The following CALCOCO1 variants were observed in gnomAD, a reference collection of about 807,000 sequenced individuals.
The protein encoded by CALCOCO1 is calcium binding and coiled-coil domain 1.
In CALCOCO1, 44 loss-of-function variants were observed where a neutral mutation model predicts 86.3. The ratio of observed to expected loss-of-function variants is 0.51; its 90% CI spans 0.40 to 0.66. The LOEUF is 0.66. Ranked by LOEUF, CALCOCO1 falls within the 30% of genes least tolerant of loss-of-function variation. CALCOCO1 has a pLI of 0.00. For synonymous variants in CALCOCO1, 297 were observed against 327.6 expected (o/e 0.91, Z 1.01); for missense variants, 708 against 851.1 (o/e 0.83, Z 2.09).
intron 5 of CALCOCO1, 152 bp downstream of exon 5, chr12:53,721,873 A>T: frequency 1.1e-6 from 1 of 890,348 alleles, no homozygotes; most frequent in South Asian, 1.6e-5. Context: ...CATCAAGTTT[A>T]ATCCCAGCCA....
chr12:53,715,278 C>T lies in CALCOCO1; in HGVS notation c.1308G>A (p.Leu436=). 6.2e-7 allele frequency: 1 copy of T among 1,614,136 alleles called. No homozygotes were observed. ...TCCTCTCCTCCTGAACTGCCTTCTC[C>T]AATCGAAGTATCTCTGCACTCAGCT... The part of the protein sequence containing the change: ...ILKLSAEILR[L]EKAVQEERTQ... The change falls in exon 10 of 15, where the codon TTG becomes TTA. Residue 436 remains leucine (L), a synonymous_variant. Coordinates refer to ENST00000550804, the MANE Select transcript of CALCOCO1 (RefSeq NM_020898.3).
chr12:53,712,902 A>C (rs1337037951), intron 14 of CALCOCO1, 198 bp downstream of exon 14: 14 of 1,428,866 alleles, frequency 9.8e-6, no homozygotes, highest in Non-Finnish European at 1.2e-5. Context: ...TTGATAAGAT[A>C]GGGGTAGGGA....
At position 53,712,071 on chromosome 12, in the gene CALCOCO1, G is replaced by T; in HGVS notation, c.1949C>A (p.Thr650Asn). The T allele has an allele frequency of 6.2e-7, 1 of 1,611,506 alleles. No individual in the cohort carries two copies. The highest frequency in any genetic ancestry group is 8.5e-7 in the Non-Finnish European group (1 of 1,178,840). The change falls in exon 15 of 15, where the codon ACC (threonine) becomes AAC (asparagine). Residue 650 changes from threonine to asparagine, a missense_variant. Physicochemically the swap from Thr to Asn is moderately conservative, Grantham distance 65. Transcript: ENST00000550804. ...GATAGGACACTCCTTCCATGTGGGG[G>T]TGGCAGGGCCCCCAGTGCTGGTTTC... is the stretch of plus-strand genomic sequence containing the variant. ...LSETSTGGPA[T>N]PTWKECPICK... is the part of the protein sequence containing the mutation.
intron 2 of CALCOCO1, 30 bp from the exon 3 acceptor site, chr12:53,724,777 T>G: frequency 6.4e-7 from 1 of 1,554,936 alleles, no homozygotes; most frequent in Non-Finnish European, 8.8e-7. Context: ...GAGAAAGGTA[T>G]GGTCATGGAA....
At chr12:53,722,352 C>T (rs892002312) in intron 4 of CALCOCO1, among the ~76,000 whole-genome samples, 169 bp from the exon 5 acceptor site, 1 of 152,152 alleles carries the variant, frequency 6.6e-6, no homozygotes, top group African/African-American at 2.4e-5. Context: ...GTCCACCACC[C>T]AGTCAGATGC....
chr12:53,718,093 C>T (rs1385899543), intron 7 of CALCOCO1, among the ~76,000 whole-genome samples: 5 of 152,178 alleles, frequency 3.3e-5, no homozygotes, highest in Non-Finnish European at 7.4e-5. Context: ...CACCAATTGA[C>T]ATATGTTTCC....
chr12:53,722,957 AAAAAG>A (rs750088091), intron 4 of CALCOCO1: 54 of 389,626 alleles, frequency 1.4e-4, no homozygotes, highest in Middle Eastern at 7.5e-4. Flanking sequence ...AAAAAAAAAA[AAAAAG>A]AAAAGAAAAG....
rs1171579466 is a variant in CALCOCO1, at chr12:53,708,931, GA to G, written c.*3012del. On this transcript the variant is annotated 3_prime_UTR_variant, in exon 15 of 15. Coordinates refer to ENST00000550804, the MANE Select transcript of CALCOCO1 (RefSeq NM_020898.3). The stretch of plus-strand genomic sequence containing the variant: ...GTACAGGGTTCCTTAGGGTAGATGG[GA>G]AATGGAAGGGCAAGTTGGGACAGAT... 6.6e-6 allele frequency: 1 copy of G among 152,230 alleles called. No individual in the cohort carries two copies. The highest frequency in any genetic ancestry group is 1.5e-5 in the Non-Finnish European group (1 of 68,038). The allele number at this position is 152,230 out of a possible 1,614,324, so 9.4% of individuals were successfully genotyped here.
Position 53,719,788 on chromosome 12 carries a change from T to C in CALCOCO1, c.800A>G (p.Lys267Arg). Residue 267 changes from lysine to arginine, a missense_variant, in exon 7 of 15, where the codon AAG (lysine) becomes AGG (arginine). By Grantham distance (26) the Lys-to-Arg change is conservative. Coordinates refer to ENST00000550804, the MANE Select transcript of CALCOCO1 (RefSeq NM_020898.3). ...TACTTCTTTCAGTTGCCCAAGGAGC[T>C]TCTCTTGTTCCCGAGTCAGGGCCTT... ...TVKALTREQE[K>R]LLGQLKEVQA... 6.2e-7 allele frequency: 1 copy of C among 1,613,982 alleles called. No homozygotes were observed. The highest frequency in any genetic ancestry group is 8.5e-7 in the Non-Finnish European group (1 of 1,179,896).
chr12:53,712,138 G>A lies in CALCOCO1; in HGVS notation c.1899-17C>T. On this transcript the variant is annotated splice_polypyrimidine_tract_variant and intron_variant, in intron 14 of 14. Coordinates refer to ENST00000550804, the MANE Select transcript of CALCOCO1 (RefSeq NM_020898.3). ...GTAAAGCCACTAAGAGAGACAGAGG[G>A]GAAAGGGAGAGGGTCGGCGTGCTCT... 6.3e-7 allele frequency: 1 copy of A among 1,583,064 alleles called. No homozygotes were observed. Among genetic ancestry groups the A allele is most frequent in the Non-Finnish European group, 8.6e-7 (1 of 1,163,314 alleles).
chr12:53,712,067 G>A lies in CALCOCO1; in HGVS notation c.1953C>T (p.Pro651=), dbSNP rs750081095. ...TACAGATAGGACACTCCTTCCATGT[G>A]GGGGTGGCAGGGCCCCCAGTGCTGG... ...SETSTGGPAT[P]TWKECPICKE... is the part of the protein sequence containing the mutation. Residue 651 remains proline (P), a synonymous_variant, in exon 15 of 15, where the codon CCC becomes CCT. Transcript: ENST00000550804. The A allele has an allele frequency of 3.7e-6, 6 of 1,611,294 alleles. No individual in the cohort carries two copies. The highest frequency in any genetic ancestry group is 1.6e-4 in the Middle Eastern group (1 of 6,074).
chr12:53,716,201 C>T (rs1945721576), intron 8 of CALCOCO1, 59 bp downstream of exon 8: 1 of 1,603,208 alleles, frequency 6.2e-7, no homozygotes, highest in East Asian at 2.2e-5. Flanking sequence ...GACACGCAGG[C>T]TTCTCTACAA....
At chr12:53,719,667 TGTCTGGCTCTCG>T in intron 7 of CALCOCO1, 60 bp downstream of exon 7, 1 of 990,998 alleles carries the variant, frequency 1.0e-6, no homozygotes, top group Non-Finnish European at 1.6e-6. Flanking sequence ...TTCCCTTTGG[TGTCTGGCTCTCG>T]AGAGGGAATC....
At chr12:53,713,977 G>T in intron 12 of CALCOCO1, 77 bp from the exon 13 acceptor site, 2 of 1,372,324 alleles carry the variant, frequency 1.5e-6, no homozygotes, top group Non-Finnish European at 2.0e-6. Context: ...CTCTGGATGA[G>T]GGGTATCATT....
At position 53,711,997 on chromosome 12, in the gene CALCOCO1, G is replaced by A. The variant is rs1476962893; in HGVS notation, c.2023C>T (p.His675Tyr). The change falls in exon 15 of 15, where the codon CAC becomes TAC. Residue 675 changes from histidine (H) to tyrosine (Y), a missense_variant. His to Tyr is a moderately conservative substitution (Grantham distance 83). Coordinates refer to ENST00000550804, the MANE Select transcript of CALCOCO1 (RefSeq NM_020898.3). ...AESDKDALED[H>Y]MDGHFFFSTQ... ...CTGAAAAAGAAGTGTCCATCCATGT[G>A]GTCCTCCAGGGCATCCTTGTCACTC... 1 of 1,606,922 alleles carries A rather than the reference G, an allele frequency of 6.2e-7. No individual in the cohort carries two copies. Among genetic ancestry groups the A allele is most frequent in the Non-Finnish European group, 8.5e-7 (1 of 1,176,932 alleles).
In CALCOCO1 at chr12:53,711,883, T is replaced by C; in HGVS notation, c.*61A>G. On this transcript the variant is annotated 3_prime_UTR_variant, in exon 15 of 15. Coordinates refer to ENST00000550804, the MANE Select transcript of CALCOCO1 (RefSeq NM_020898.3). ...AAAATGGGCATGAAACCTAAGTGTA[T>C]GCATGTGTGTGAGTGTGTGTGTGCA... The C allele has an allele frequency of 7.2e-7, 1 of 1,395,996 alleles. No homozygotes were observed. Among genetic ancestry groups the C allele is most frequent in the South Asian group, 1.5e-5 (1 of 66,760 alleles). 86.5% of individuals were successfully genotyped at this position (1,395,996 alleles called of 1,614,324 possible).
At position 53,721,527 on chromosome 12, in the gene CALCOCO1, A is replaced by G; in HGVS notation, c.698T>C (p.Leu233Pro). ...QGDHVARILE[L>P]EDDIQTISEK... ...ACTGATGGTCTGGATGTCATCCTCT[A>G]GCTCCAGGATGCGTGCCACATGGTC... Residue 233 changes from leucine (L) to proline (P), a missense_variant, in exon 6 of 15, where the codon CTA becomes CCA. Physicochemically the swap from Leu to Pro is moderately conservative, Grantham distance 98. Transcript: ENST00000550804. 6.2e-7 allele frequency: 1 copy of G among 1,613,866 alleles called. No individual in the cohort carries two copies. The highest frequency in any genetic ancestry group is 8.5e-7 in the Non-Finnish European group (1 of 1,179,900).
At chr12:53,720,206 C>A (rs1945830949) in intron 6 of CALCOCO1, among the ~76,000 whole-genome samples, 1 of 151,896 alleles carries the variant, frequency 6.6e-6, no homozygotes, top group Non-Finnish European at 1.5e-5. Flanking sequence ...CTGTAAAGGG[C>A]CTGATAGTAA....
intron 7 of CALCOCO1, among the ~76,000 whole-genome samples, chr12:53,719,364 A>G (rs1945808779): frequency 6.6e-6 from 1 of 151,904 alleles, no homozygotes; most frequent in African/African-American, 2.4e-5. Context: ...TGTCTCTACT[A>G]AAAATACAAA....
Sources: allele counts gnomAD v4.1 joint callset (sites outside exome capture counted in the v4.1 genomes callset), GRCh38; gene constraint gnomAD v4.1.1; transcripts MANE v1.5; gene names NCBI Gene and HGNC (gene_info 2026-07-23, HGNC 2026-07-21).